Variants in SEC22A observed in about 807,000 individuals in gnomAD.
SEC22A encodes the protein SEC22 homolog A, vesicle trafficking protein.
SEC22A carries 22 observed loss-of-function variants against 35.3 expected under a neutral mutation model. The observed-to-expected ratio is 0.62, with a 90% CI of 0.45 to 0.89. The LOEUF is 0.89. Ranked by LOEUF, SEC22A falls within the 40% of genes least tolerant of loss-of-function variation. SEC22A has a pLI of 0.00. For missense variants in SEC22A, 354 were observed against 362.5 expected (o/e 0.98, Z 0.19); for synonymous variants, 119 against 129.5 (o/e 0.92, Z 0.55).
chr3:123,259,488 C>T (rs375239390), intron 5 of SEC22A, 36 bp from the exon 6 acceptor site: 19 of 1,511,520 alleles, frequency 1.3e-5, no homozygotes, highest in Admixed American at 1.7e-5. Flanking sequence ...GGGCTCCCAC[C>T]GGAAACAAAA....
At chr3:123,240,634 G>A (rs1392147688) in intron 4 of SEC22A, among the ~76,000 whole-genome samples, 1 of 152,012 alleles carries the variant, frequency 6.6e-6, no homozygotes, top group Non-Finnish European at 1.5e-5. Flanking sequence ...CATTTCCCTT[G>A]AGTAAATATT....
At chr3:123,245,338 T>C (rs1444575392) in intron 4 of SEC22A, among the ~76,000 whole-genome samples, 1 of 152,228 alleles carries the variant, frequency 6.6e-6, no homozygotes, top group East Asian at 1.9e-4. Flanking sequence ...AATGATTTAC[T>C]GCCGGTTGTG....
chr3:123,236,811 A>ACG (rs1413151439), intron 4 of SEC22A, among the ~76,000 whole-genome samples: 3 of 146,332 alleles, frequency 2.1e-5, no homozygotes, highest in Non-Finnish European at 3.1e-5. Flanking sequence ...CATAAGAAAC[A>ACG]CGCACACACA....
chr3:123,229,202 A>C (rs1036744913), intron 4 of SEC22A, among the ~76,000 whole-genome samples: 1 of 152,212 alleles, frequency 6.6e-6, no homozygotes, highest in Admixed American at 6.5e-5. Context: ...AAATGCTGAA[A>C]ACTAAAGACA....
chr3:123,253,807 T>C (rs914072979), intron 5 of SEC22A, among the ~76,000 whole-genome samples: 2 of 151,756 alleles, frequency 1.3e-5, no homozygotes, highest in African/African-American at 4.8e-5. Flanking sequence ...TGCTAAGGTG[T>C]GGTGCTTACT....
At chr3:123,263,551 C>G (rs1477175346) in intron 6 of SEC22A, among the ~76,000 whole-genome samples, 4 of 152,154 alleles carry the variant, frequency 2.6e-5, no homozygotes, top group African/African-American at 9.7e-5. Context: ...GAGTCTTGCT[C>G]TGTCACCCAG....
At chr3:123,245,543 G>GA (rs111426417) in intron 4 of SEC22A, among the ~76,000 whole-genome samples, 29,758 of 151,766 alleles carry the variant, frequency 0.2, 3,027 homozygotes, top group Middle Eastern at 0.27. Flanking sequence ...AACAATTCAA[G>GA]AAAAAATTAG....
chr3:123,229,261 T>A (rs1207884067), intron 4 of SEC22A, among the ~76,000 whole-genome samples: 1 of 152,210 alleles, frequency 6.6e-6, no homozygotes, highest in African/African-American at 2.4e-5. Flanking sequence ...GTCACTTACA[T>A]GAGTTTACCT....
At chr3:123,236,300 C>T (rs993492099) in intron 4 of SEC22A, among the ~76,000 whole-genome samples, 1 of 152,130 alleles carries the variant, frequency 6.6e-6, no homozygotes, top group Non-Finnish European at 1.5e-5. Flanking sequence ...CCACTAGTCC[C>T]ACTGAGTACA....
chr3:123,255,912 TTTC>T (rs1480506251), intron 5 of SEC22A, among the ~76,000 whole-genome samples: 69 of 146,718 alleles, frequency 4.7e-4, no homozygotes, highest in Non-Finnish European at 8.1e-4. Context: ...ACCATTTTAC[TTTC>T]TTCTTTCTTT....
chr3:123,209,541 GTCA>G (rs1486750832), intron 2 of SEC22A, 142 bp downstream of exon 2: 8 of 643,250 alleles, frequency 1.2e-5, no homozygotes, highest in Non-Finnish European at 5.2e-6. Flanking sequence ...ATACTAAATA[GTCA>G]TCATGTCAGC....
At chr3:123,229,807 A>C (rs1050477628) in intron 4 of SEC22A, among the ~76,000 whole-genome samples, 1 of 152,076 alleles carries the variant, frequency 6.6e-6, no homozygotes, top group African/African-American at 2.4e-5. Context: ...GATTGCCGTG[A>C]GCCGAGATCG....
chr3:123,233,953 C>A (rs1245208292), intron 4 of SEC22A, among the ~76,000 whole-genome samples: 1 of 152,130 alleles, frequency 6.6e-6, no homozygotes, highest in Non-Finnish European at 1.5e-5. Flanking sequence ...ATAGAACATT[C>A]TAAGGAATCC....
intron 2 of SEC22A, among the ~76,000 whole-genome samples, chr3:123,221,538 T>A (rs1402036160): frequency 1.3e-5 from 2 of 150,208 alleles, no homozygotes; most frequent in East Asian, 3.9e-4. Context: ...GAGTGGTGAA[T>A]TACATCCTGC....
intron 6 of SEC22A, among the ~76,000 whole-genome samples, chr3:123,270,627 C>T (rs1938138985): frequency 6.6e-6 from 1 of 152,160 alleles, no homozygotes; most frequent in Admixed American, 6.5e-5. Flanking sequence ...AAATCTCACC[C>T]CTCATGAAAT....
intron 5 of SEC22A, among the ~76,000 whole-genome samples, chr3:123,251,745 CA>C (rs147110772): frequency 0.2 from 29,869 of 152,082 alleles, 3,046 homozygotes; most frequent in Middle Eastern, 0.27. Context: ...TCCACTTGAC[CA>C]AAAGTAGAAA....
At chr3:123,238,037 C>T (rs1316450805) in intron 4 of SEC22A, among the ~76,000 whole-genome samples, 1 of 151,810 alleles carries the variant, frequency 6.6e-6, no homozygotes, top group Non-Finnish European at 1.5e-5. Context: ...GACTGTAGTC[C>T]CAGCTACTAG....
chr3:123,271,934 G>A lies in SEC22A; in HGVS notation c.*212G>A. The A allele has an allele frequency of 1.7e-6, 1 of 573,170 alleles. No homozygotes were observed. Among genetic ancestry groups the A allele is most frequent in the South Asian group, 2.1e-5 (1 of 46,952 alleles). 35.5% of individuals were successfully genotyped at this position (573,170 alleles called of 1,614,324 possible). ...GCCATGAGACTATCATTCAGAGGAG[G>A]AGGGGATTTCTCTCTTCAAGGCCGT... On this transcript the variant is annotated 3_prime_UTR_variant, in exon 7 of 7. Coordinates refer to ENST00000492595, the MANE Select transcript of SEC22A (RefSeq NM_012430.5).
intron 6 of SEC22A, among the ~76,000 whole-genome samples, chr3:123,265,537 GAACAA>G (rs1180280266): frequency 2.0e-5 from 3 of 151,606 alleles, no homozygotes; most frequent in Admixed American, 2.0e-4. Context: ...GTTCTTCACA[GAACAA>G]AAGTTTTTAA....
Sources: allele counts gnomAD v4.1 joint callset (sites outside exome capture counted in the v4.1 genomes callset), GRCh38; gene constraint gnomAD v4.1.1; transcripts MANE v1.5; gene names NCBI Gene and HGNC (gene_info 2026-07-23, HGNC 2026-07-21).